IMMP2L: variants seen among roughly 807,000 people sequenced by gnomAD.
IMMP2L encodes the protein mitochondrial inner membrane protease subunit 2.
A neutral mutation model predicts 19.3 loss-of-function variants in IMMP2L; 18 were observed. That is an observed-to-expected ratio of 0.93 (90% CI 0.64 to 1.38). IMMP2L has a LOEUF of 1.38. IMMP2L is among the 40% of genes most tolerant of loss of function. The pLI is 0.00. For synonymous variants in IMMP2L, 76 were observed against 73.0 expected (o/e 1.04, Z -0.21); for missense variants, 233 against 218.2 (o/e 1.07, Z -0.43).
At chr7:110,966,173 A>G (rs1032159226) in intron 3 of IMMP2L, among the ~76,000 whole-genome samples, 3 of 152,090 alleles carry the variant, frequency 2.0e-5, no homozygotes, top group Admixed American at 6.6e-5. Context: ...GTTAGAAAAT[A>G]TTATTTGTGG....
rs548706710 is a variant in IMMP2L at position 111,388,240 on chromosome 7, T to C, written c.239+98998A>G. ...AAATATTCAACCAGTTGGCTGGGGA[T>C]AGTGGGTTGAGGTCAAGGAGATGAC... On this transcript the variant is annotated intron_variant, in intron 3 of 5. Transcript: ENST00000405709. 2.4e-3 allele frequency among the ~76,000 whole-genome samples: 365 copies of C among 152,014 alleles called. 3 individuals are homozygous for C. Among genetic ancestry groups the C allele is most frequent in the African/African-American group, 8.4e-3 (347 of 41,480 alleles).
intron 2 of IMMP2L, among the ~76,000 whole-genome samples, chr7:111,494,096 C>T (rs561490945): frequency 1.3e-5 from 2 of 152,184 alleles, no homozygotes; most frequent in South Asian, 4.1e-4. Context: ...GATATGGCCA[C>T]AGAATCTGTA....
At chr7:110,668,303 TC>T (rs1791599057) in intron 5 of IMMP2L, among the ~76,000 whole-genome samples, 1 of 152,214 alleles carries the variant, frequency 6.6e-6, no homozygotes, top group African/African-American at 2.4e-5. Context: ...AGGAAATACT[TC>T]CCTAGACCTA....
At chr7:111,207,469 C>A (rs1380980305) in intron 3 of IMMP2L, among the ~76,000 whole-genome samples, 1 of 151,946 alleles carries the variant, frequency 6.6e-6, no homozygotes, top group Non-Finnish European at 1.5e-5. Context: ...AATGTAAAAA[C>A]CACCAATTAA....
intron 5 of IMMP2L, among the ~76,000 whole-genome samples, chr7:110,857,039 C>T (rs1476192217): frequency 6.6e-6 from 1 of 152,088 alleles, no homozygotes; most frequent in East Asian, 1.9e-4. Flanking sequence ...TAGCAGCTCA[C>T]TTATCCTGGC....
At chr7:111,366,018 A>G (rs1433662047) in intron 3 of IMMP2L, among the ~76,000 whole-genome samples, 4 of 152,130 alleles carry the variant, frequency 2.6e-5, no homozygotes, top group Non-Finnish European at 5.9e-5. Flanking sequence ...GCACTGGTAC[A>G]TCATCATTTT....
intron 3 of IMMP2L, among the ~76,000 whole-genome samples, chr7:111,412,187 G>GA (rs1834495085): frequency 6.6e-6 from 1 of 150,700 alleles, no homozygotes; most frequent in South Asian, 2.1e-4. Context: ...GAACTGAAAG[G>GA]AAAAAAAAGA....
chr7:111,187,441 T>C (rs1808392550), intron 3 of IMMP2L, among the ~76,000 whole-genome samples: 1 of 152,126 alleles, frequency 6.6e-6, no homozygotes, highest in Admixed American at 6.5e-5. Flanking sequence ...TTTTAAAATA[T>C]ATAGCTAAAA....
intron 4 of IMMP2L, among the ~76,000 whole-genome samples, chr7:110,896,966 C>A (rs1239289411): frequency 6.6e-6 from 1 of 152,064 alleles, no homozygotes; most frequent in Non-Finnish European, 1.5e-5. Context: ...GCATGTGCCA[C>A]CATGCCTCAA....
At chr7:110,910,405 T>C (rs920476025) in intron 4 of IMMP2L, among the ~76,000 whole-genome samples, 12 of 152,196 alleles carry the variant, frequency 7.9e-5, no homozygotes, top group African/African-American at 2.7e-4. Flanking sequence ...GTTTATGTAC[T>C]CATTCAATGA....
intron 5 of IMMP2L, among the ~76,000 whole-genome samples, chr7:110,871,411 A>C (rs1188248725): frequency 6.6e-6 from 1 of 152,154 alleles, no homozygotes; most frequent in African/African-American, 2.4e-5. Context: ...CTGGCAGAGA[A>C]GGATGAAAAT....
chr7:111,254,260 T>C (rs536648772), intron 3 of IMMP2L, among the ~76,000 whole-genome samples: 1 of 148,412 alleles, frequency 6.7e-6, no homozygotes, highest in Non-Finnish European at 1.5e-5. Flanking sequence ...TTGTTCTTAC[T>C]GATTTCAAAG....
intron 3 of IMMP2L, among the ~76,000 whole-genome samples, chr7:111,311,503 C>T (rs143710090): frequency 6.2e-4 from 95 of 152,170 alleles, no homozygotes; most frequent in Middle Eastern, 6.8e-3. Context: ...CCACAATGTA[C>T]AATCATCCTG....
rs553319488 is a variant in IMMP2L at position 110,921,939 on chromosome 7, C to T, written c.306-35244G>A. ...ATTAGTCAGAAATTATCTTTTCTTG[C>T]AGTGGCATGTCTAATGTCAGTGTAC... On this transcript the variant is annotated intron_variant, in intron 4 of 5. Coordinates refer to ENST00000405709, the MANE Select transcript of IMMP2L (RefSeq NM_032549.4). 4.1e-4 allele frequency among the ~76,000 whole-genome samples: 63 copies of T among 152,266 alleles called. 1 individual carries two copies. In the South Asian group the frequency reaches 0.012, roughly 29 times the overall value.
At chr7:111,156,757 T>C (rs912601536) in intron 3 of IMMP2L, among the ~76,000 whole-genome samples, 7 of 152,042 alleles carry the variant, frequency 4.6e-5, no homozygotes, top group African/African-American at 1.7e-4. Flanking sequence ...GAAATACAAC[T>C]GACTTTGTGT....
At chr7:111,425,958 T>C (rs1836031174) in intron 3 of IMMP2L, among the ~76,000 whole-genome samples, 1 of 151,164 alleles carries the variant, frequency 6.6e-6, no homozygotes. Flanking sequence ...AGATGTCTCT[T>C]CTAAATGCTA....
chr7:111,129,583 A>G (rs1286090474), intron 3 of IMMP2L, among the ~76,000 whole-genome samples: 1 of 152,128 alleles, frequency 6.6e-6, no homozygotes, highest in Non-Finnish European at 1.5e-5. Flanking sequence ...TAACGAATGC[A>G]TTGCTAACTA....
chr7:111,101,457 T>C (rs953184974), intron 3 of IMMP2L, among the ~76,000 whole-genome samples: 2 of 151,570 alleles, frequency 1.3e-5, no homozygotes, highest in Non-Finnish European at 3.0e-5. Context: ...TCCATACTTA[T>C]TTTCTGCACA....
chr7:111,358,494 T>G (rs542933659), intron 3 of IMMP2L, among the ~76,000 whole-genome samples: 1 of 151,994 alleles, frequency 6.6e-6, no homozygotes, highest in Non-Finnish European at 1.5e-5. Context: ...ACAATAATCT[T>G]TGGTTACCAT....
Sources: allele counts gnomAD v4.1 joint callset (sites outside exome capture counted in the v4.1 genomes callset), GRCh38; gene constraint gnomAD v4.1.1; transcripts MANE v1.5; gene names NCBI Gene and HGNC (gene_info 2026-07-23, HGNC 2026-07-21).